NPAS3: variants seen among roughly 807,000 people sequenced by gnomAD.
The protein encoded by NPAS3 is neuronal PAS domain-containing protein 3.
A neutral mutation model predicts 73.1 loss-of-function variants in NPAS3; 14 were observed. The observed-to-expected ratio is 0.19, with a 90% confidence interval of 0.13 to 0.30. The LOEUF (loss-of-function observed/expected upper bound fraction) is 0.30, where lower values mean the gene tolerates loss of function less well. Among genes scored for constraint, NPAS3 ranks in the 10% least tolerant of loss-of-function variants. The pLI is 1.00. For missense variants in NPAS3, 1,096 were observed against 1,250.0 expected (o/e 0.88, Z 1.86); for synonymous variants, 620 against 541.5 (o/e 1.14, Z -2.01).
intron 6 of NPAS3, among the ~76,000 whole-genome samples, chr14:33,718,056 C>T (rs2061004716): frequency 6.6e-6 from 1 of 151,658 alleles, no homozygotes. Flanking sequence ...TCCAGTTTTG[C>T]AGGCCTGGGG....
At chr14:33,642,623 A>C (rs1488324878) in intron 5 of NPAS3, among the ~76,000 whole-genome samples, 1 of 152,192 alleles carries the variant, frequency 6.6e-6, no homozygotes, top group African/African-American at 2.4e-5. Flanking sequence ...CTGGGGGAAA[A>C]TAAATGCAAT....
chr14:32,983,184 C>G (rs2037968234), intron 1 of NPAS3, among the ~76,000 whole-genome samples: 1 of 152,066 alleles, frequency 6.6e-6, no homozygotes, highest in African/African-American at 2.4e-5. Context: ...CCATTAAAGA[C>G]TATTTTAAAA....
intron 1 of NPAS3, among the ~76,000 whole-genome samples, chr14:32,961,830 G>T (rs2036933737): frequency 6.6e-6 from 1 of 152,068 alleles, no homozygotes; most frequent in East Asian, 1.9e-4. Context: ...ATCTCATTTA[G>T]ATTCTTTTTA....
chr14:33,291,457 G>A lies in NPAS3; in HGVS notation c.386-75729G>A, dbSNP rs116491522. On this transcript the variant is annotated intron_variant, in intron 3 of 11. Transcript: ENST00000356141. ...ATTAATATGTTCAAGGTGTCAGAAA[G>A]TAAATGTTGATTTTATCATTGTGGC... 5.4e-3 allele frequency among the ~76,000 whole-genome samples: 824 copies of A among 152,264 alleles called. 6 individuals carry two copies. Among genetic ancestry groups the A allele is most frequent in the African/African-American group, 0.019 (785 of 41,536 alleles).
chr14:33,669,086 T>A (rs187629675), intron 5 of NPAS3, among the ~76,000 whole-genome samples: 4 of 152,354 alleles, frequency 2.6e-5, no homozygotes, highest in Admixed American at 2.6e-4. Context: ...GATTTTATGT[T>A]GATTGGTCTC....
intron 2 of NPAS3, among the ~76,000 whole-genome samples, chr14:33,130,270 T>C (rs2043585873): frequency 6.6e-6 from 1 of 152,100 alleles, no homozygotes; most frequent in Admixed American, 6.6e-5. Flanking sequence ...AATAAGTTAC[T>C]CTCCCCCCTT....
At chr14:33,543,963 A>ATC (rs1166130931) in intron 4 of NPAS3, among the ~76,000 whole-genome samples, 21 of 25,560 alleles carry the variant, frequency 8.2e-4, no homozygotes, top group Non-Finnish European at 1.3e-3. Context: ...ATATATATAT[A>ATC]TATATATATA....
chr14:33,013,418 A>T (rs139527205), intron 1 of NPAS3, among the ~76,000 whole-genome samples: 2 of 152,334 alleles, frequency 1.3e-5, no homozygotes, highest in African/African-American at 4.8e-5. Flanking sequence ...ATGAGTTTAA[A>T]GGAAAATTTA....
At chr14:33,315,554 G>T (rs756255967) in intron 3 of NPAS3, among the ~76,000 whole-genome samples, 1 of 151,652 alleles carries the variant, frequency 6.6e-6, no homozygotes, top group African/African-American at 2.4e-5. Context: ...GGTTGGGAGG[G>T]TAGCAGTGAG....
intron 4 of NPAS3, among the ~76,000 whole-genome samples, chr14:33,408,183 G>T (rs552873913): frequency 6.6e-6 from 1 of 152,214 alleles, no homozygotes; most frequent in African/African-American, 2.4e-5. Context: ...GGTCCTCATT[G>T]TGAAATCTAA....
chr14:33,240,868 C>T, intron 3 of NPAS3, among the ~76,000 whole-genome samples: 1 of 151,866 alleles, frequency 6.6e-6, no homozygotes, highest in Non-Finnish European at 1.5e-5. Flanking sequence ...CCTCTGCAGC[C>T]TTCTTTGTGT....
Position 33,308,527 on chromosome 14 carries a change from T to TATATACACACACACACACACACACAC in NPAS3, c.386-58658_386-58657insTATACACACACACACACACACACACA. Among the ~76,000 whole-genome samples the TATATACACACACACACACACACACAC allele has an allele frequency of 2.9e-5, 3 of 103,736 alleles. No homozygotes were observed. The East Asian group carries it at 8.6e-4, about 30-fold the overall frequency. 68.1% of individuals were successfully genotyped at this position (103,736 alleles called of 152,430 possible). A position where few individuals can be genotyped will look rare whatever the true frequency, so the allele number is the denominator to read the frequency against. The stretch of plus-strand genomic sequence containing the variant: ...TGCATAGTTTATATATATATATATA[T>TATATACACACACACACACACACACAC]ACATACACACACACACACACACACA... On this transcript the variant is annotated intron_variant, in intron 3 of 11. Transcript: ENST00000356141.
chr14:33,265,385 T>C (rs190610938), intron 3 of NPAS3, among the ~76,000 whole-genome samples: 421 of 152,318 alleles, frequency 2.8e-3, no homozygotes, highest in Admixed American at 5.5e-3. Context: ...AGGAGTCATA[T>C]TTTCTTCATC....
chr14:33,423,187 A>G (rs1002407767), intron 4 of NPAS3, among the ~76,000 whole-genome samples: 3 of 152,052 alleles, frequency 2.0e-5, no homozygotes, highest in Non-Finnish European at 2.9e-5. Context: ...GTCTAGAACT[A>G]CAATTTCACA....
At chr14:33,439,226 T>G (rs1179172872) in intron 4 of NPAS3, among the ~76,000 whole-genome samples, 1 of 152,186 alleles carries the variant, frequency 6.6e-6, no homozygotes, top group Non-Finnish European at 1.5e-5. Flanking sequence ...AAAGCTATGA[T>G]AGAGAGAGAC....
chr14:33,104,815 T>C (rs965218206), intron 2 of NPAS3, among the ~76,000 whole-genome samples: 4 of 152,208 alleles, frequency 2.6e-5, no homozygotes, highest in African/African-American at 9.6e-5. Flanking sequence ...GTCAGACAAT[T>C]GAGTATGTTC....
At chr14:33,123,626 G>T (rs2043315463) in intron 2 of NPAS3, among the ~76,000 whole-genome samples, 1 of 151,980 alleles carries the variant, frequency 6.6e-6, no homozygotes, top group African/African-American at 2.4e-5. Flanking sequence ...AGAGTTATAT[G>T]TAATTTCCTG....
At chr14:33,419,121 T>G (rs1250403845) in intron 4 of NPAS3, among the ~76,000 whole-genome samples, 1 of 151,904 alleles carries the variant, frequency 6.6e-6, no homozygotes, top group Non-Finnish European at 1.5e-5. Flanking sequence ...CATCTGATAA[T>G]GATAAATAGT....
chr14:33,482,438 A>G (rs2051374733), intron 4 of NPAS3, among the ~76,000 whole-genome samples: 1 of 152,126 alleles, frequency 6.6e-6, no homozygotes, highest in African/African-American at 2.4e-5. Context: ...TGGTCACTAT[A>G]ACTACAGAAC....
Sources: gnomAD v4.1 joint callset for allele counts (sites outside exome capture counted in the v4.1 genomes callset) on GRCh38, gnomAD v4.1.1 for gene constraint, MANE v1.5 for transcripts, NCBI Gene and HGNC (gene_info 2026-07-23, HGNC 2026-07-21) for gene names.